Variants in HECW2 observed in about 807,000 individuals in gnomAD.
The protein encoded by HECW2 is E3 ubiquitin-protein ligase HECW2.
Under a neutral mutation model 175.2 loss-of-function variants are expected in HECW2, and 61 were observed. The ratio of observed to expected loss-of-function variants is 0.35; its 90% CI spans 0.28 to 0.43. The LOEUF is 0.43. HECW2 is among the 20% of genes least tolerant of loss of function. The pLI is 1.00. For missense variants in HECW2, 1,524 were observed against 2,000.5 expected, an observed-to-expected ratio of 0.76 and a Z score of 4.54; for synonymous variants, 671 against 731.0, an observed-to-expected ratio of 0.92 and a Z score of 1.32.
chr2:196,334,843 ATGT>A (rs1167513120), intron 3 of HECW2, among the ~76,000 whole-genome samples: 20 of 152,352 alleles, frequency 1.3e-4, no homozygotes, highest in African/African-American at 4.3e-4. Context: ...TCTCACGTTC[ATGT>A]TGTTAGTGAA....
At chr2:196,267,783 A>T (rs1689571722) in intron 17 of HECW2, among the ~76,000 whole-genome samples, 1 of 152,192 alleles carries the variant, frequency 6.6e-6, no homozygotes, top group Non-Finnish European at 1.5e-5. Context: ...AACCAAGAAA[A>T]CACAAAGTAA....
At chr2:196,331,037 T>C in intron 4 of HECW2, 1 of 497,100 alleles carries the variant, frequency 2.0e-6, no homozygotes, top group Non-Finnish European at 2.6e-6. Context: ...CCAAGCAAAG[T>C]TGAGAAATTC....
At chr2:196,553,774 G>A (rs2125488027) in intron 1 of HECW2, among the ~76,000 whole-genome samples, 1 of 152,272 alleles carries the variant, frequency 6.6e-6, no homozygotes, top group East Asian at 1.9e-4. Context: ...ACAAACTGAT[G>A]CTCCACATAC....
At chr2:196,357,978 C>T (rs1318931781) in intron 2 of HECW2, among the ~76,000 whole-genome samples, 1 of 152,168 alleles carries the variant, frequency 6.6e-6, no homozygotes, top group Non-Finnish European at 1.5e-5. Flanking sequence ...AATACACCAA[C>T]AGAAGTACAT....
intron 1 of HECW2, among the ~76,000 whole-genome samples, chr2:196,473,987 C>T (rs575648642): frequency 6.6e-6 from 1 of 152,310 alleles, no homozygotes; most frequent in East Asian, 1.9e-4. Flanking sequence ...CTAGAACCAA[C>T]TTCAGGAGGC....
intron 19 of HECW2, among the ~76,000 whole-genome samples, chr2:196,251,879 C>G (rs1688866787): frequency 1.3e-5 from 2 of 152,068 alleles, no homozygotes; most frequent in African/African-American, 4.8e-5. Context: ...TCTGCTTATA[C>G]ATTTTCAGTG....
chr2:196,563,337 A>AG (rs1690070588), intron 1 of HECW2, among the ~76,000 whole-genome samples: 2 of 152,142 alleles, frequency 1.3e-5, no homozygotes, highest in African/African-American at 4.8e-5. Flanking sequence ...AGGCCGAGGC[A>AG]GGTGGATCAC....
At chr2:196,237,191 GTTATTC>G (rs1268417075) in intron 21 of HECW2, among the ~76,000 whole-genome samples, 1 of 151,794 alleles carries the variant, frequency 6.6e-6, no homozygotes, top group Non-Finnish European at 1.5e-5. Context: ...TTTTTAAATT[GTTATTC>G]TTGTTTATTT....
chr2:196,220,287 T>G, intron 25 of HECW2, 134 bp from the exon 26 acceptor site: 2 of 634,550 alleles, frequency 3.2e-6, no homozygotes, highest in South Asian at 3.7e-5. Flanking sequence ...CTTGAAAACC[T>G]GTAAAGCTCC....
chr2:196,395,466 T>C (rs965406425), intron 2 of HECW2, among the ~76,000 whole-genome samples: 1 of 152,174 alleles, frequency 6.6e-6, no homozygotes, highest in African/African-American at 2.4e-5. Flanking sequence ...ATGTATGTGA[T>C]AAGAGATTGA....
chr2:196,311,472 C>T (rs1047212082), intron 10 of HECW2, among the ~76,000 whole-genome samples: 3 of 152,180 alleles, frequency 2.0e-5, no homozygotes, highest in African/African-American at 7.2e-5. Context: ...CTAGATTTCT[C>T]AGAGACCATG....
At chr2:196,440,542 C>T (rs1018165366) in intron 1 of HECW2, among the ~76,000 whole-genome samples, 25 of 152,104 alleles carry the variant, frequency 1.6e-4, no homozygotes, top group Non-Finnish European at 7.4e-5. Context: ...TTTAGCTACC[C>T]TATTCAATGT....
At chr2:196,426,169 T>C (rs1222606266) in intron 2 of HECW2, among the ~76,000 whole-genome samples, 2 of 152,190 alleles carry the variant, frequency 1.3e-5, no homozygotes, top group East Asian at 3.8e-4. Flanking sequence ...TTAGACATAG[T>C]GCTACTGCAC....
intron 4 of HECW2, among the ~76,000 whole-genome samples, chr2:196,333,443 A>G (rs1024418570): frequency 2.0e-5 from 3 of 152,206 alleles, no homozygotes; most frequent in African/African-American, 7.2e-5. Flanking sequence ...ATTTGCAAAG[A>G]CTGCTTTCTG....
chr2:196,462,471 G>A (rs1209879598), intron 1 of HECW2, among the ~76,000 whole-genome samples: 1 of 152,012 alleles, frequency 6.6e-6, no homozygotes, highest in African/African-American at 2.4e-5. Flanking sequence ...CTTTCCAGAC[G>A]GCCAATTTCT....
chr2:196,320,547 G>T, intron 7 of HECW2, 108 bp from the exon 8 acceptor site: 1 of 627,260 alleles, frequency 1.6e-6, no homozygotes. Flanking sequence ...AAAACTTTCA[G>T]ACTCACAAGA....
At chr2:196,327,204 C>T (rs1692187921) in intron 5 of HECW2, among the ~76,000 whole-genome samples, 1 of 152,160 alleles carries the variant, frequency 6.6e-6, no homozygotes, top group South Asian at 2.1e-4. Context: ...TTCCACCAGA[C>T]AATTAAGTCA....
chr2:196,210,248 G>A (rs1216216062), intron 28 of HECW2, among the ~76,000 whole-genome samples: 1 of 151,040 alleles, frequency 6.6e-6, no homozygotes, highest in Non-Finnish European at 1.5e-5. Flanking sequence ...TGTGATAAAC[G>A]GAATGTTGTT....
At chr2:196,263,702 G>A (rs940883072) in intron 17 of HECW2, 1 of 152,180 alleles carries the variant, frequency 6.6e-6, no homozygotes, top group Non-Finnish European at 1.5e-5. Flanking sequence ...ATGGTCATAC[G>A]ATTCTTATGG....
Sources: gnomAD v4.1 joint callset for allele counts (sites outside exome capture counted in the v4.1 genomes callset) on GRCh38, gnomAD v4.1.1 for gene constraint, MANE v1.5 for transcripts, NCBI Gene and HGNC (gene_info 2026-07-23, HGNC 2026-07-21) for gene names.